The following CCDC93 variants were observed in gnomAD, a reference collection of about 807,000 sequenced individuals.
The protein encoded by CCDC93 is coiled-coil domain-containing protein 93.
CCDC93 carries 61 observed loss-of-function variants against 108.2 expected under a neutral mutation model. The observed-to-expected ratio is 0.56, with a 90% confidence interval of 0.46 to 0.70. CCDC93 has a LOEUF of 0.70. CCDC93 is among the 30% of genes least tolerant of loss of function. The probability of loss-of-function intolerance (pLI) is 0.00; values close to 1 mark genes in which losing one functional copy is unlikely to be tolerated. For synonymous variants in CCDC93, 276 were observed against 260.4 expected (o/e 1.06, Z -0.58); for missense variants, 685 against 764.2 (o/e 0.90, Z 1.22).
chr2:118,012,290 A>T (rs72838045), intron 1 of CCDC93, among the ~76,000 whole-genome samples: 8,499 of 151,824 alleles, frequency 0.056, 292 homozygotes, highest in Non-Finnish European at 0.082. Context: ...AAAAAAAAGA[A>T]TGAATTTAAT....
intron 11 of CCDC93, among the ~76,000 whole-genome samples, chr2:117,967,223 C>A (rs1000679354): frequency 2.6e-5 from 4 of 152,162 alleles, no homozygotes; most frequent in African/African-American, 9.7e-5. Flanking sequence ...AAACTCCTGA[C>A]CTCAAGTGAT....
At chr2:117,948,509 C>A (rs191877939) in intron 14 of CCDC93, among the ~76,000 whole-genome samples, 291 of 152,278 alleles carry the variant, frequency 1.9e-3, no homozygotes, top group Middle Eastern at 0.01. Flanking sequence ...GTATTCGGGG[C>A]ATATACAGTA....
chr2:117,981,054 T>C (rs1680102604), intron 7 of CCDC93, among the ~76,000 whole-genome samples: 1 of 152,258 alleles, frequency 6.6e-6, no homozygotes, highest in Non-Finnish European at 1.5e-5. Context: ...GGCTGAATAA[T>C]ATCCCATTAT....
chr2:117,935,461 C>A, intron 22 of CCDC93, 34 bp downstream of exon 22: 1 of 1,522,286 alleles, frequency 6.6e-7, no homozygotes, highest in Non-Finnish European at 9.1e-7. Context: ...CACTATAAAA[C>A]CTGGGCTGCA....
intron 22 of CCDC93, chr2:117,931,450 A>C: frequency 2.1e-5 from 6 of 284,798 alleles, no homozygotes; most frequent in South Asian, 7.8e-5. Flanking sequence ...CCCATCCCCC[A>C]CCCGGCAGTG....
intron 14 of CCDC93, 76 bp from the exon 15 acceptor site, chr2:117,948,262 C>T: frequency 1.9e-6 from 2 of 1,059,724 alleles, no homozygotes; most frequent in Non-Finnish European, 2.8e-6. Flanking sequence ...AGCAGGTCCG[C>T]AGCTAAAAAA....
At chr2:117,957,531 A>G (rs1363022289) in intron 12 of CCDC93, among the ~76,000 whole-genome samples, 1 of 152,172 alleles carries the variant, frequency 6.6e-6, no homozygotes. Flanking sequence ...CAGTTAATTC[A>G]TGCTCCTGCA....
chr2:117,986,839 C>T (rs890829311), intron 6 of CCDC93, among the ~76,000 whole-genome samples: 4 of 152,014 alleles, frequency 2.6e-5, no homozygotes, highest in African/African-American at 2.4e-5. Context: ...GGTGTCTACA[C>T]GAATAGGAAG....
At chr2:118,000,741 C>T (rs1056185621) in intron 4 of CCDC93, 80 bp downstream of exon 4, 34 of 849,782 alleles carry the variant, frequency 4.0e-5, no homozygotes, top group African/African-American at 1.5e-4. Flanking sequence ...CCAGGACAGA[C>T]GGACCCATTA....
At chr2:117,959,122 T>C (rs1469148411) in intron 11 of CCDC93, among the ~76,000 whole-genome samples, 1 of 152,086 alleles carries the variant, frequency 6.6e-6, no homozygotes, top group South Asian at 2.1e-4. Context: ...GTGAGAGAGA[T>C]CTCTGAACAA....
chr2:117,973,201 A>G (rs533073111), intron 11 of CCDC93, among the ~76,000 whole-genome samples: 18 of 152,284 alleles, frequency 1.2e-4, no homozygotes, highest in Non-Finnish European at 1.9e-4. Flanking sequence ...TTTGTAGTAA[A>G]AGATTCTGAG....
At chr2:117,924,428 C>T (rs1229015130) in intron 23 of CCDC93, among the ~76,000 whole-genome samples, 3 of 152,082 alleles carry the variant, frequency 2.0e-5, no homozygotes, top group Admixed American at 1.3e-4. Context: ...GCAGAGAAGT[C>T]CTTAAAGGAC....
At chr2:118,007,778 T>C (rs1049021237) in intron 2 of CCDC93, among the ~76,000 whole-genome samples, 4 of 152,248 alleles carry the variant, frequency 2.6e-5, no homozygotes, top group Non-Finnish European at 5.9e-5. Context: ...AGCCCAGACC[T>C]AGCTAACCAA....
intron 13 of CCDC93, 40 bp from the exon 14 acceptor site, chr2:117,949,435 T>C (rs762537768): frequency 1.4e-6 from 2 of 1,432,124 alleles, no homozygotes; most frequent in Non-Finnish European, 2.0e-6. Flanking sequence ...GGAGCCTTGG[T>C]AGCAGAGGTG....
chr2:117,941,577 G>A (rs1678703061), intron 18 of CCDC93, among the ~76,000 whole-genome samples: 1 of 152,092 alleles, frequency 6.6e-6, no homozygotes, highest in African/African-American at 2.4e-5. Context: ...GGCTTCTATG[G>A]ACAGAGCCGG....
chr2:117,988,328 A>G (rs1294300459), intron 6 of CCDC93, among the ~76,000 whole-genome samples: 1 of 152,010 alleles, frequency 6.6e-6, no homozygotes, highest in African/African-American at 2.4e-5. Flanking sequence ...CAATGCAGGG[A>G]AGGGAGGTAG....
intron 15 of CCDC93, 46 bp downstream of exon 15, chr2:117,948,059 T>C: frequency 6.9e-7 from 1 of 1,443,346 alleles, no homozygotes; most frequent in Non-Finnish European, 9.8e-7. Flanking sequence ...AACCAAGAGA[T>C]TCAATAAGCG....
At chr2:117,970,280 G>T (rs186267992) in intron 11 of CCDC93, among the ~76,000 whole-genome samples, 1 of 152,322 alleles carries the variant, frequency 6.6e-6, no homozygotes, top group Non-Finnish European at 1.5e-5. Context: ...ACAAACAGTA[G>T]TAGGATAAGT....
At chr2:117,931,010 T>TAA (rs756325256) in intron 23 of CCDC93, 27 bp downstream of exon 23, 1 of 1,459,050 alleles carries the variant, frequency 6.9e-7, no homozygotes, top group Non-Finnish European at 9.5e-7. Context: ...ACGTTAGCCT[T>TAA]AATGTGCTAC....
Sources: allele counts gnomAD v4.1 joint callset (sites outside exome capture counted in the v4.1 genomes callset), GRCh38; gene constraint gnomAD v4.1.1; transcripts MANE v1.5; gene names NCBI Gene and HGNC (gene_info 2026-07-23, HGNC 2026-07-21).